Variants in SEC16A observed in about 807,000 individuals in gnomAD.
SEC16A encodes the protein protein transport protein Sec16A.
Under a neutral mutation model 221.9 loss-of-function variants are expected in SEC16A, and 110 were observed. The ratio of observed to expected loss-of-function variants is 0.50; its 90% confidence interval spans 0.42 to 0.58. The LOEUF is 0.58. Ranked by LOEUF, SEC16A falls within the 20% of genes least tolerant of loss-of-function variation. SEC16A has a pLI of 0.00. For missense variants in SEC16A, 3,165 were observed against 3,097.8 expected (o/e 1.02, Z -0.52); for synonymous variants, 1,393 against 1,257.7 (o/e 1.11, Z -2.28).
intron 8 of SEC16A, among the ~76,000 whole-genome samples, chr9:136,465,436 G>A (rs943603495): frequency 6.6e-6 from 1 of 152,240 alleles, no homozygotes; most frequent in African/African-American, 2.4e-5. Context: ...GGGAGACAGA[G>A]TGAGACTCCA....
rs768354427 is a variant in SEC16A, at chr9:136,476,550, C to T, written c.1066G>A (p.Gly356Arg). ...RTHHPLGAGA[G>R]SGCAPLEADS... ...GCTTCTAGCGGGGCACAGCCAGACC[C>T]GGCCCCAGCCCCCAGTGGGTGGTGC... is the stretch of plus-strand genomic sequence containing the variant. Residue 356 changes from glycine (G) to arginine (R), a missense_variant, in exon 3 of 32, where the codon GGG becomes AGG. This residue lies in a region of SEC16A where 2,030 missense variants were observed against 1,923.1 expected (regional missense o/e 1.06). Transcript: ENST00000684901. 40 of 1,610,760 alleles carry T rather than the reference C, an allele frequency of 2.5e-5. No individual in the cohort carries two copies. The highest frequency in any genetic ancestry group is 8.9e-5 in the East Asian group (4 of 44,834).
intron 12 of SEC16A, among the ~76,000 whole-genome samples, chr9:136,462,374 AG>A (rs1839599181): frequency 6.6e-6 from 1 of 151,978 alleles, no homozygotes; most frequent in African/African-American, 2.4e-5. Context: ...CTCCTGTCTC[AG>A]GCCCCCCACC....
chr9:136,483,887 C>T (rs1842718253), upstream of SEC16A: 6 of 821,670 alleles, frequency 7.3e-6, no homozygotes, highest in South Asian at 3.3e-4. Flanking sequence ...TACGGCGTGG[C>T]CGCGGGCACC....
chr9:136,454,431 C>A, intron 20 of SEC16A, 104 bp from the exon 21 acceptor site: 3 of 1,080,382 alleles, frequency 2.8e-6, no homozygotes, highest in Non-Finnish European at 4.2e-6. Flanking sequence ...TTTTGTACAG[C>A]CCCATTTCTT....
chr9:136,482,123 G>T (rs929704415), intron 1 of SEC16A, among the ~76,000 whole-genome samples: 4 of 152,194 alleles, frequency 2.6e-5, no homozygotes, highest in African/African-American at 9.7e-5. Context: ...TTTGCCTCTT[G>T]TCTACAAGAT....
intron 21 of SEC16A, 85 bp downstream of exon 21, chr9:136,454,024 A>G (rs1588905195): frequency 1.6e-6 from 2 of 1,268,960 alleles, no homozygotes; most frequent in South Asian, 2.6e-5. Flanking sequence ...TCAAGCTCAA[A>G]TAACTTCAAT....
rs542738859 is a variant in SEC16A at position 136,476,158 on chromosome 9, C to A, written c.1458G>T (p.Gln486His). ...LNLDPSSPSDQFRYGPLPGPA... is the reference protein window; with the variant it reads ...LNLDPSSPSDHFRYGPLPGPA... ...GCCCAGGAAGGGGCCCATATCTGAA[C>A]TGGTCACTCGGGGAGGAAGGGTCCA... The change falls in exon 3 of 32, where the codon CAG (glutamine) becomes CAT (histidine). Residue 486 changes from glutamine to histidine, a missense_variant. Around this residue, in one of 3 missense-constraint regions of SEC16A, gnomAD observed 2,030 missense variants for 1,923.1 expected, o/e 1.06. Coordinates refer to ENST00000684901, the MANE Select transcript of SEC16A (RefSeq NM_014866.2). 6.2e-7 allele frequency: 1 copy of A among 1,613,914 alleles called. No individual in the cohort carries two copies. Among genetic ancestry groups the A allele is most frequent in the Non-Finnish European group, 8.5e-7 (1 of 1,179,896 alleles).
chr9:136,471,988 G>A lies in SEC16A; in HGVS notation c.3691C>T (p.Arg1231Trp), dbSNP rs201366882. 3.1e-6 allele frequency: 5 copies of A among 1,612,126 alleles called. No individual in the cohort carries two copies. The highest frequency in any genetic ancestry group is 2.2e-5 in the East Asian group (1 of 44,874). The change falls in exon 4 of 32, where the codon CGG (arginine) becomes TGG (tryptophan). Residue 1231 changes from arginine (R) to tryptophan (W), a missense_variant. Arg to Trp is a moderately radical substitution (Grantham distance 101). Coordinates refer to ENST00000684901, the MANE Select transcript of SEC16A (RefSeq NM_014866.2). The stretch of plus-strand genomic sequence containing the variant: ...GCGCGGCCGCACCTGGGAGGTGGCC[G>A]TTCCGAGGAGTGGCTGGCTCGGGAG... Reference protein sequence around the residue: ...PSSRASHSSERPPPRQGYPEG... With the variant: ...PSSRASHSSEWPPPRQGYPEG...
At position 136,477,066 on chromosome 9, in the gene SEC16A, G is replaced by A. The variant is rs2132967610; in HGVS notation, c.550C>T (p.Arg184Ter). The change falls in exon 3 of 32, where the codon CGA becomes TGA. Residue 184 changes from arginine to a stop codon, truncating the protein, a stop_gained. Transcript: ENST00000684901. LOFTEE classifies it high-confidence loss of function. ...TGTGGGTTTTGCCTGCTCAGGGGTC[G>A]GTCGAGCCCAGGCATGTTCCCATGA... is the stretch of plus-strand genomic sequence containing the variant. ...HPHGNMPGLD[R>*]PLSRQNPHDG... The A allele has an allele frequency of 1.2e-6, 2 of 1,613,778 alleles. No homozygotes were observed. Among genetic ancestry groups the A allele is most frequent in the Non-Finnish European group, 1.7e-6 (2 of 1,179,874 alleles).
At chr9:136,467,712 C>A (rs1840332084) in intron 5 of SEC16A, among the ~76,000 whole-genome samples, 1 of 152,126 alleles carries the variant, frequency 6.6e-6, no homozygotes, top group Non-Finnish European at 1.5e-5. Flanking sequence ...CTTAAAAGGT[C>A]TTTTATCATC....
intron 5 of SEC16A, among the ~76,000 whole-genome samples, chr9:136,467,504 G>A (rs932762428): frequency 2.0e-5 from 3 of 152,120 alleles, no homozygotes; most frequent in Non-Finnish European, 4.4e-5. Context: ...ACTGTGCCCA[G>A]CCAGTTCTCT....
chr9:136,472,619 G>A (rs144000277), intron 3 of SEC16A, among the ~76,000 whole-genome samples: 14 of 152,346 alleles, frequency 9.2e-5, no homozygotes, highest in Admixed American at 5.2e-4. Flanking sequence ...TCTAAAAGCG[G>A]ACCGTGCTTT....
At chr9:136,448,806 C>T (rs1837396605) in intron 23 of SEC16A, 1 of 713,200 alleles carries the variant, frequency 1.4e-6, no homozygotes, top group Non-Finnish European at 2.6e-6. Context: ...TCCACAGAGA[C>T]ACCAGGAGGA....
upstream of SEC16A, chr9:136,483,046 G>A (rs7020201): frequency 1.0e-6 from 1 of 982,366 alleles, no homozygotes; most frequent in African/African-American, 1.8e-5. Flanking sequence ...CATCCGGCTC[G>A]GGTCTCCGCG....
chr9:136,458,226 C>T (rs2132244718), intron 17 of SEC16A, among the ~76,000 whole-genome samples: 1 of 151,562 alleles, frequency 6.6e-6, no homozygotes, highest in South Asian at 2.1e-4. Context: ...ACCTTGGCCT[C>T]CTAAAGTGCT....
chr9:136,451,871 G>A (rs1487585754), intron 22 of SEC16A, among the ~76,000 whole-genome samples: 3 of 152,104 alleles, frequency 2.0e-5, no homozygotes, highest in Non-Finnish European at 2.9e-5. Flanking sequence ...TATTTTAAAG[G>A]GTAAAACACC....
At chr9:136,470,374 CCAG>C (rs1331293112) in intron 4 of SEC16A, among the ~76,000 whole-genome samples, 1 of 152,216 alleles carries the variant, frequency 6.6e-6, no homozygotes, top group Non-Finnish European at 1.5e-5. Context: ...GGCAGGGCGG[CCAG>C]CAGCAGAAGG....
In SEC16A at chr9:136,468,466, T is replaced by A. The variant is rs1164022676; in HGVS notation, c.3751A>T (p.Ser1251Cys). ...TAGCTTGCATAGTAATCGCTCTGAC[T>A]GCTCCATCCACTTTTGGAACTATAG... ...GYYSSKSGWSSQSDYYASYYS... is the reference protein window; with the variant it reads ...GYYSSKSGWSCQSDYYASYYS... The change falls in exon 5 of 32, where the codon AGT (serine) becomes TGT (cysteine). Residue 1251 changes from serine to cysteine, a missense_variant. Physicochemically the swap from Ser to Cys is moderately radical, Grantham distance 112. Around this residue, in one of 3 missense-constraint regions of SEC16A, gnomAD observed 2,030 missense variants for 1,923.1 expected, o/e 1.06. Coordinates refer to ENST00000684901, the MANE Select transcript of SEC16A (RefSeq NM_014866.2). 1 of 1,613,712 alleles carries A rather than the reference T, an allele frequency of 6.2e-7. No individual in the cohort carries two copies. The highest frequency in any genetic ancestry group is 8.5e-7 in the Non-Finnish European group (1 of 1,179,618).
At position 136,447,323 on chromosome 9, in the gene SEC16A, C is replaced by T. The variant is rs748140921; in HGVS notation, c.6601G>A (p.Gly2201Arg). 19 of 1,596,314 alleles carry T rather than the reference C, an allele frequency of 1.2e-5. No individual in the cohort carries two copies. The highest frequency in any genetic ancestry group is 9.4e-5 in the African/African-American group (7 of 74,642). The change falls in exon 27 of 32, where the codon GGG becomes AGG. Residue 2201 changes from glycine (G) to arginine (R), a missense_variant. By Grantham distance (125) the Gly-to-Arg change is moderately radical (BLOSUM62 -2). Coordinates refer to ENST00000684901, the MANE Select transcript of SEC16A (RefSeq NM_014866.2). This position sits in a 1 kb window ranked among gnomAD's most constrained non-coding sequence, Gnocchi z 5.5. Reference protein sequence around the residue: ...ARYVDVLNPSGTQRSEPALAP... With the variant: ...ARYVDVLNPSRTQRSEPALAP... The stretch of plus-strand genomic sequence containing the variant: ...AGAGCCGGCTCGCTCCGCTGGGTCC[C>T]GCTTGGGTTCAGGACGTCAACGTAG...
Sources: gnomAD v4.1 joint callset for allele counts (sites outside exome capture counted in the v4.1 genomes callset) on GRCh38, gnomAD v4.1.1 for gene constraint, gnomAD v4.1.1 regional missense constraint, Gnocchi (gnomAD v3.1) non-coding constraint, MANE v1.5 for transcripts, NCBI Gene and HGNC (gene_info 2026-07-23, HGNC 2026-07-21) for gene names.